Variants in MFHAS1 observed in about 807,000 individuals in gnomAD.
MFHAS1 encodes the protein multifunctional ROCO family signaling regulator 1.
Under a neutral mutation model 70.4 loss-of-function variants are expected in MFHAS1, and 50 were observed. The observed-to-expected ratio is 0.71, with a 90% CI of 0.57 to 0.90. The LOEUF (loss-of-function observed/expected upper bound fraction) is 0.90. MFHAS1 is among the 40% of genes least tolerant of loss of function. The probability of loss-of-function intolerance (pLI) is 0.00; values close to 1 mark genes in which losing one functional copy is unlikely to be tolerated. For missense variants in MFHAS1, 1,795 were observed against 1,347.6 expected (o/e 1.33, Z -5.20); for synonymous variants, 952 against 620.0 (o/e 1.54, Z -7.96).
intron 1 of MFHAS1, among the ~76,000 whole-genome samples, chr8:8,863,676 T>G (rs370396382): frequency 3.3e-5 from 5 of 152,308 alleles, no homozygotes; most frequent in African/African-American, 1.2e-4. Context: ...TTCCCTAACA[T>G]ACTGGTCCTT....
chr8:8,822,426 C>T (rs1314060553), intron 1 of MFHAS1, among the ~76,000 whole-genome samples: 3 of 149,742 alleles, frequency 2.0e-5, no homozygotes, highest in Admixed American at 6.7e-5. Flanking sequence ...CAGGGGACCA[C>T]GCCAGGGGCA....
At chr8:8,880,888 T>C (rs1401115537) in intron 1 of MFHAS1, among the ~76,000 whole-genome samples, 1 of 152,126 alleles carries the variant, frequency 6.6e-6, no homozygotes, top group African/African-American at 2.4e-5. Context: ...GTTCACCGCA[T>C]TGGCCAACCT....
At chr8:8,872,066 A>G (rs150400997) in intron 1 of MFHAS1, among the ~76,000 whole-genome samples, 254 of 152,366 alleles carry the variant, frequency 1.7e-3, no homozygotes, top group African/African-American at 6.0e-3. Flanking sequence ...CACACTTTGC[A>G]TAAACATGCC....
chr8:8,816,266 A>C (rs1159662039), intron 1 of MFHAS1, among the ~76,000 whole-genome samples: 1 of 152,158 alleles, frequency 6.6e-6, no homozygotes, highest in Non-Finnish European at 1.5e-5. Flanking sequence ...AAATCTATCA[A>C]ATTGGACCCT....
In MFHAS1 at chr8:8,796,822, T is replaced by C. The variant is rs1471584445; in HGVS notation, c.3125+543A>G. Among the ~76,000 whole-genome samples the C allele has an allele frequency of 1.8e-4, 27 of 148,796 alleles. 1 individual carries two copies. Among genetic ancestry groups the C allele is most frequent in the East Asian group, 1.0e-3 (5 of 4,962 alleles). On this transcript the variant is annotated intron_variant, in intron 2 of 2. Transcript: ENST00000276282. ...CATCCTGGCTAACAGGGTGAAACCC[T>C]GTCTCTACTAAAAATACAAAAAAAT...
chr8:8,803,003 C>G (rs1168094339), intron 1 of MFHAS1, among the ~76,000 whole-genome samples: 2 of 152,190 alleles, frequency 1.3e-5, no homozygotes, highest in African/African-American at 4.8e-5. Context: ...ACTAACAAGT[C>G]AGCTGGGGTA....
At chr8:8,820,977 T>A (rs2117302297) in intron 1 of MFHAS1, among the ~76,000 whole-genome samples, 1 of 152,362 alleles carries the variant, frequency 6.6e-6, no homozygotes, top group Non-Finnish European at 1.5e-5. Flanking sequence ...ATGCTTCTAA[T>A]TTCACTGTCC....
rs573644724 is a variant in MFHAS1, at chr8:8,863,499, T to G, written c.2998+26562A>C. ...GTTGACCTCATCCAGAATGGACTGT[T>G]ACCTATATTTATTACCACGTATGAT... is the stretch of plus-strand genomic sequence containing the variant. On this transcript the variant is annotated intron_variant, in intron 1 of 2. Transcript: ENST00000276282. Among the ~76,000 whole-genome samples the G allele has an allele frequency of 3.3e-5, 5 of 152,322 alleles. No homozygotes were observed. In the South Asian group the frequency reaches 1.0e-3, roughly 32 times the overall value.
At position 8,835,850 on chromosome 8, in the gene MFHAS1, C is replaced by A. The variant is rs541997798; in HGVS notation, c.2999-38359G>T. Among the ~76,000 whole-genome samples, 7 of 152,312 alleles carry A rather than the reference C, an allele frequency of 4.6e-5. No homozygotes were observed. In the South Asian group the frequency reaches 1.2e-3, roughly 27 times the overall value. On this transcript the variant is annotated intron_variant, in intron 1 of 2. Transcript: ENST00000276282. ...AAAGTTGGCAAAACATGGCCCGCTG[C>A]CTGTTCTTGTAAATAAAGTTTTATT... is the stretch of plus-strand genomic sequence containing the variant.
chr8:8,793,211 C>T (rs1171104969), intron 2 of MFHAS1, among the ~76,000 whole-genome samples: 2 of 152,140 alleles, frequency 1.3e-5, no homozygotes, highest in Non-Finnish European at 2.9e-5. Context: ...TTCTTATTCT[C>T]TGTCTCTCCC....
intron 1 of MFHAS1, among the ~76,000 whole-genome samples, chr8:8,840,806 C>A (rs369413561): frequency 3.3e-5 from 5 of 152,258 alleles, no homozygotes; most frequent in African/African-American, 1.2e-4. Context: ...ATTTGCCTTG[C>A]CTTGTGTGAT....
At chr8:8,876,812 T>C (rs993727569) in intron 1 of MFHAS1, among the ~76,000 whole-genome samples, 4 of 152,040 alleles carry the variant, frequency 2.6e-5, no homozygotes, top group Non-Finnish European at 5.9e-5. Flanking sequence ...TTCTAAATAG[T>C]GGTCCCAGTT....
chr8:8,888,210 C>T (rs141836358), intron 1 of MFHAS1, among the ~76,000 whole-genome samples: 189 of 152,256 alleles, frequency 1.2e-3, no homozygotes, highest in Admixed American at 1.0e-2. Flanking sequence ...TAACTGAATA[C>T]GCTGGCTTTT....
At chr8:8,861,652 G>C (rs1260151253) in intron 1 of MFHAS1, among the ~76,000 whole-genome samples, 3 of 152,132 alleles carry the variant, frequency 2.0e-5, no homozygotes, top group Admixed American at 6.5e-5. Context: ...GACAGATATA[G>C]TCTCGTAACC....
chr8:8,876,613 G>A (rs570716908), intron 1 of MFHAS1, among the ~76,000 whole-genome samples: 11 of 151,976 alleles, frequency 7.2e-5, no homozygotes, highest in Non-Finnish European at 1.3e-4. Flanking sequence ...TGTATGCATC[G>A]TGATCCTCCC....
Position 8,848,498 on chromosome 8 carries a change from T to A in MFHAS1, c.2998+41563A>T, listed in dbSNP as rs150560128. On this transcript the variant is annotated intron_variant, in intron 1 of 2. Transcript: ENST00000276282. ...AGCCATTAACATAAAGAGACACACG[T>A]AAAGGGCAAACGGCTCAGGCAGAAC... Among the ~76,000 whole-genome samples, 915 of 151,992 alleles carry A rather than the reference T, an allele frequency of 6.0e-3. 8 individuals carry two copies. The highest frequency in any genetic ancestry group is 0.021 in the African/African-American group (859 of 41,444).
intron 1 of MFHAS1, among the ~76,000 whole-genome samples, chr8:8,818,755 G>C (rs1405622447): frequency 6.6e-6 from 1 of 152,200 alleles, no homozygotes; most frequent in Non-Finnish European, 1.5e-5. Flanking sequence ...TAGAAAGAGA[G>C]GTGTCTATGA....
intron 1 of MFHAS1, among the ~76,000 whole-genome samples, chr8:8,858,718 T>C (rs1462703325): frequency 6.6e-6 from 1 of 152,014 alleles, no homozygotes; most frequent in Non-Finnish European, 1.5e-5. Flanking sequence ...AAGTTGGCCC[T>C]CGGGACCTGC....
chr8:8,808,958 G>C lies in MFHAS1; in HGVS notation c.2999-11467C>G, dbSNP rs1048301860. ...TAGGTGAGCAGGCAAAGCTTCATCT[G>C]TTTACAGCCACTCCCCATTGCTCAA... On this transcript the variant is annotated intron_variant, in intron 1 of 2. Transcript: ENST00000276282. Among the ~76,000 whole-genome samples, 4 of 152,134 alleles carry C rather than the reference G, an allele frequency of 2.6e-5. No homozygotes were observed. The South Asian group carries it at 8.3e-4, about 32-fold the overall frequency.
Sources: gnomAD v4.1 joint callset for allele counts (sites outside exome capture counted in the v4.1 genomes callset) on GRCh38, gnomAD v4.1.1 for gene constraint, MANE v1.5 for transcripts, NCBI Gene and HGNC (gene_info 2026-07-23, HGNC 2026-07-21) for gene names.